The following KCNK2 variants were observed in gnomAD, a reference collection of about 807,000 sequenced individuals.
KCNK2 encodes potassium two pore domain channel subfamily K member 2.
In KCNK2, 21 loss-of-function variants were observed where a neutral mutation model predicts 40.5. That is an observed-to-expected ratio of 0.52 (90% confidence interval 0.37 to 0.75). KCNK2 has a LOEUF of 0.75. Among genes scored for constraint, KCNK2 ranks in the 30% least tolerant of loss-of-function variants. KCNK2 has a pLI of 0.00. For synonymous variants in KCNK2, 191 were observed against 202.2 expected, an observed-to-expected ratio of 0.94 and a Z score of 0.47; for missense variants, 399 against 531.6, an observed-to-expected ratio of 0.75 and a Z score of 2.45.
intron 5 of KCNK2, among the ~76,000 whole-genome samples, chr1:215,183,716 A>G (rs1348449222): frequency 6.6e-6 from 1 of 152,234 alleles, no homozygotes; most frequent in Non-Finnish European, 1.5e-5. Flanking sequence ...AGTATTAAAA[A>G]CATGGTAAAA....
chr1:215,202,729 GA>G (rs1186645102), intron 6 of KCNK2, among the ~76,000 whole-genome samples: 1 of 152,152 alleles, frequency 6.6e-6, no homozygotes, highest in African/African-American at 2.4e-5. Context: ...CTAAATGAGA[GA>G]ATGATGTAAA....
At chr1:215,098,264 C>T (rs535331909) in intron 2 of KCNK2, among the ~76,000 whole-genome samples, 4 of 151,926 alleles carry the variant, frequency 2.6e-5, no homozygotes, top group Admixed American at 2.0e-4. Context: ...TTTTTTCTCT[C>T]TTTCTTTTTT....
At chr1:215,121,943 G>A (rs1661205367) in intron 2 of KCNK2, among the ~76,000 whole-genome samples, 1 of 152,056 alleles carries the variant, frequency 6.6e-6, no homozygotes, top group Admixed American at 6.6e-5. Context: ...GTTATAACTG[G>A]CACAAACAGA....
intron 1 of KCNK2, among the ~76,000 whole-genome samples, chr1:215,027,396 T>C (rs1422650383): frequency 6.6e-6 from 1 of 152,166 alleles, no homozygotes; most frequent in African/African-American, 2.4e-5. Context: ...ATATCGGAAA[T>C]ATTTCCATTA....
rs150486935 is a variant in KCNK2 at position 215,032,347 on chromosome 1, G to A, written c.34+26392G>A. On this transcript the variant is annotated intron_variant, in intron 1 of 6. Coordinates refer to the KCNK2 transcript ENST00000391895. ...TCGCTGGGCTCAGTAGTTCAGGGCT[G>A]CAGTGAGCTGTGATCATGCCACTGT... Among the ~76,000 whole-genome samples, 1,310 of 152,196 alleles carry A rather than the reference G, an allele frequency of 8.6e-3. 16 individuals are homozygous for A. Among genetic ancestry groups the A allele is most frequent in the African/African-American group, 0.03 (1,251 of 41,512 alleles).
At chr1:215,186,158 G>C (rs1403630562) in intron 5 of KCNK2, among the ~76,000 whole-genome samples, 4 of 152,060 alleles carry the variant, frequency 2.6e-5, no homozygotes, top group African/African-American at 9.7e-5. Context: ...TGGCAAAATG[G>C]CAGCACTTGA....
intron 3 of KCNK2, among the ~76,000 whole-genome samples, chr1:215,154,846 C>T (rs1049398588): frequency 5.9e-5 from 9 of 152,114 alleles, no homozygotes; most frequent in African/African-American, 2.2e-4. Context: ...CGATCCTTCC[C>T]CATTTCTTTT....
intron 1 of KCNK2, among the ~76,000 whole-genome samples, chr1:215,008,736 G>C (rs1257819738): frequency 6.6e-6 from 1 of 152,062 alleles, no homozygotes; most frequent in Non-Finnish European, 1.5e-5. Context: ...CCTCCACTGT[G>C]CTCAATGCTA....
At position 215,106,349 on chromosome 1, in the gene KCNK2, G is replaced by A. The variant is rs1571619366; in HGVS notation, c.358-18284G>A. ...CATTTTTCTGATGATTAGCAATGTT[G>A]AGCATTTTTTGTATGTTTGTTGGTC... On this transcript the variant is annotated intron_variant, in intron 2 of 6. Transcript: ENST00000444842. Among the ~76,000 whole-genome samples, 3 of 152,138 alleles carry A rather than the reference G, an allele frequency of 2.0e-5. No homozygotes were observed. In the South Asian group the frequency reaches 6.2e-4, roughly 32 times the overall value.
intron 6 of KCNK2, among the ~76,000 whole-genome samples, chr1:215,214,023 C>T (rs1665856207): frequency 6.6e-6 from 1 of 152,162 alleles, no homozygotes; most frequent in African/African-American, 2.4e-5. Flanking sequence ...TATATTTCTA[C>T]ACCATTGCCT....
At chr1:215,197,722 G>A (rs772011274) in intron 6 of KCNK2, among the ~76,000 whole-genome samples, 1 of 152,064 alleles carries the variant, frequency 6.6e-6, no homozygotes. Context: ...AAACAAGACC[G>A]GGTGGGGTTG....
intron 1 of KCNK2, among the ~76,000 whole-genome samples, chr1:215,036,303 C>G (rs1321747649): frequency 6.6e-6 from 1 of 151,878 alleles, no homozygotes; most frequent in Non-Finnish European, 1.5e-5. Flanking sequence ...ACATTCCCTT[C>G]CTCCACTGAA....
chr1:215,078,465 C>G (rs1285609084), upstream of KCNK2, among the ~76,000 whole-genome samples: 1 of 152,190 alleles, frequency 6.6e-6, no homozygotes, highest in Admixed American at 6.5e-5. Flanking sequence ...ACAGTCATGG[C>G]AGAAGGCACC....
intron 5 of KCNK2, among the ~76,000 whole-genome samples, chr1:215,173,527 T>A (rs1663816342): frequency 6.6e-6 from 1 of 152,174 alleles, no homozygotes; most frequent in Non-Finnish European, 1.5e-5. Context: ...TAGTTCTAGA[T>A]CCCTGAGGAA....
chr1:215,075,567 G>T, intron 1 of KCNK2, among the ~76,000 whole-genome samples: 1 of 152,314 alleles, frequency 6.6e-6, no homozygotes, highest in East Asian at 1.9e-4. Flanking sequence ...CATAGTAGGT[G>T]CTTGATAAGT....
intron 3 of KCNK2, among the ~76,000 whole-genome samples, chr1:215,149,548 G>A (rs1442153695): frequency 6.6e-6 from 1 of 152,170 alleles, no homozygotes; most frequent in Non-Finnish European, 1.5e-5. Flanking sequence ...AGAATGGCAA[G>A]ACAAAGTGAG....
chr1:215,175,027 G>A (rs1026688773), intron 5 of KCNK2, among the ~76,000 whole-genome samples: 1 of 152,090 alleles, frequency 6.6e-6, no homozygotes, highest in African/African-American at 2.4e-5. Context: ...GATGAGAGAG[G>A]GCATCCTTGT....
chr1:215,094,295 C>T (rs889089953), intron 2 of KCNK2, among the ~76,000 whole-genome samples: 1 of 151,906 alleles, frequency 6.6e-6, no homozygotes, highest in African/African-American at 2.4e-5. Context: ...TCTAAACATC[C>T]CATAAATACT....
intron 3 of KCNK2, among the ~76,000 whole-genome samples, chr1:215,164,784 T>C (rs1461670073): frequency 2.0e-5 from 3 of 152,186 alleles, no homozygotes; most frequent in African/African-American, 7.2e-5. Flanking sequence ...TTCTGTACTT[T>C]CTGTGGCACA....
Sources: allele counts gnomAD v4.1 joint callset (sites outside exome capture counted in the v4.1 genomes callset), GRCh38; gene constraint gnomAD v4.1.1; transcripts MANE v1.5; gene names NCBI Gene and HGNC (gene_info 2026-07-23, HGNC 2026-07-21).